ASIC2: variants seen among roughly 807,000 people sequenced by gnomAD.
The protein encoded by ASIC2 is acid sensing ion channel subunit 2.
Under a neutral mutation model 57.3 loss-of-function variants are expected in ASIC2, and 25 were observed. That is an observed-to-expected ratio of 0.44 (90% confidence interval 0.32 to 0.61). The LOEUF is 0.61. ASIC2 is among the 20% of genes least tolerant of loss of function. The probability of loss-of-function intolerance (pLI) is 0.06; values close to 1 mark genes in which losing one functional copy is unlikely to be tolerated. For synonymous variants in ASIC2, 319 were observed against 307.5 expected, an observed-to-expected ratio of 1.04 and a Z score of -0.39; for missense variants, 641 against 738.1, an observed-to-expected ratio of 0.87 and a Z score of 1.52.
intron 1 of ASIC2, among the ~76,000 whole-genome samples, chr17:33,844,696 T>A (rs1274562527): frequency 6.6e-6 from 1 of 152,204 alleles, no homozygotes; most frequent in African/African-American, 2.4e-5. Context: ...AGAAATAAAT[T>A]TCCTCAACCA....
At chr17:33,392,109 A>G (rs1262279403) in intron 1 of ASIC2, among the ~76,000 whole-genome samples, 2 of 151,084 alleles carry the variant, frequency 1.3e-5, no homozygotes, top group Non-Finnish European at 2.9e-5. Context: ...CACCTCTAAC[A>G]CCTCTATGTC....
intron 1 of ASIC2, among the ~76,000 whole-genome samples, chr17:33,243,182 T>C (rs1483762296): frequency 6.6e-6 from 1 of 152,196 alleles, no homozygotes; most frequent in African/African-American, 2.4e-5. Context: ...CAATGTTTTC[T>C]TAATAACTAT....
At chr17:34,124,743 T>G (rs748468025) in intron 1 of ASIC2, among the ~76,000 whole-genome samples, 1 of 152,158 alleles carries the variant, frequency 6.6e-6, no homozygotes, top group Non-Finnish European at 1.5e-5. Flanking sequence ...TCTTGTGACA[T>G]TCGCACATCA....
At chr17:34,141,418 T>C (rs1379242190) in intron 1 of ASIC2, among the ~76,000 whole-genome samples, 3 of 152,196 alleles carry the variant, frequency 2.0e-5, no homozygotes, top group African/African-American at 7.2e-5. Flanking sequence ...AATTTAGCTA[T>C]TATCTCCTTT....
At chr17:33,254,876 G>C (rs1053746401) in intron 1 of ASIC2, among the ~76,000 whole-genome samples, 1 of 152,030 alleles carries the variant, frequency 6.6e-6, no homozygotes, top group Non-Finnish European at 1.5e-5. Flanking sequence ...AGCAAACAGA[G>C]CCAAAGAAAA....
chr17:34,063,395 A>C (rs1909042406), intron 1 of ASIC2, among the ~76,000 whole-genome samples: 1 of 152,198 alleles, frequency 6.6e-6, no homozygotes, highest in Admixed American at 6.5e-5. Flanking sequence ...ATCTATGACA[A>C]ACCCACAGTC....
rs374372905 is a variant in ASIC2, at chr17:33,654,545, G to A, written c.555+501433C>T. On this transcript the variant is annotated intron_variant, in intron 1 of 9. Transcript: ENST00000359872. ...AATTCCCATGGTCTAGCAATGTGAT[G>A]TCAGATGATGAGATAGGCCTGGGAG... 8.5e-5 allele frequency among the ~76,000 whole-genome samples: 13 copies of A among 152,330 alleles called. No individual in the cohort carries two copies. The East Asian group carries it at 1.9e-3, about 23-fold the overall frequency.
intron 1 of ASIC2, among the ~76,000 whole-genome samples, chr17:33,199,431 C>T (rs972740380): frequency 1.3e-5 from 2 of 152,120 alleles, no homozygotes; most frequent in Non-Finnish European, 2.9e-5. Flanking sequence ...AACCACAGAG[C>T]AGGGTTCAAA....
intron 1 of ASIC2, among the ~76,000 whole-genome samples, chr17:33,539,255 A>G (rs1915330370): frequency 6.6e-6 from 1 of 152,242 alleles, no homozygotes; most frequent in South Asian, 2.1e-4. Context: ...TATTGCTTGC[A>G]AAGAGGTCAA....
chr17:33,209,445 A>G (rs1907191800), intron 1 of ASIC2, among the ~76,000 whole-genome samples: 1 of 152,200 alleles, frequency 6.6e-6, no homozygotes, highest in African/African-American at 2.4e-5. Flanking sequence ...AGCACTATTG[A>G]CATTTATAGC....
intron 1 of ASIC2, among the ~76,000 whole-genome samples, chr17:33,674,583 C>G (rs1387811727): frequency 2.0e-5 from 3 of 152,128 alleles, no homozygotes; most frequent in African/African-American, 4.8e-5. Context: ...TCCCTATGAA[C>G]AAAATACTAT....
intron 1 of ASIC2, among the ~76,000 whole-genome samples, chr17:34,064,814 C>A (rs1006274630): frequency 2.0e-5 from 3 of 152,114 alleles, no homozygotes; most frequent in African/African-American, 4.8e-5. Flanking sequence ...AAATGCAAAT[C>A]AAAACCACAA....
chr17:34,106,514 T>A (rs1198146998), intron 1 of ASIC2, among the ~76,000 whole-genome samples: 1 of 152,170 alleles, frequency 6.6e-6, no homozygotes, highest in African/African-American at 2.4e-5. Flanking sequence ...TGTCTGCATG[T>A]ATGTATGTAT....
intron 1 of ASIC2, among the ~76,000 whole-genome samples, chr17:33,645,110 T>C (rs1906700022): frequency 6.6e-6 from 1 of 152,148 alleles, no homozygotes; most frequent in Non-Finnish European, 1.5e-5. Context: ...TACTCAGTAA[T>C]AGAGACAAAG....
At chr17:33,572,523 G>A (rs770915714) in intron 1 of ASIC2, among the ~76,000 whole-genome samples, 11 of 152,146 alleles carry the variant, frequency 7.2e-5, no homozygotes, top group Non-Finnish European at 1.6e-4. Flanking sequence ...AGGAAAGGGG[G>A]ACTCAGGGAA....
intron 1 of ASIC2, among the ~76,000 whole-genome samples, chr17:33,519,688 C>A (rs1914684552): frequency 6.6e-6 from 1 of 152,150 alleles, no homozygotes; most frequent in Non-Finnish European, 1.5e-5. Context: ...GGATTTAGCA[C>A]TTTCCTTAGG....
intron 1 of ASIC2, among the ~76,000 whole-genome samples, chr17:33,730,830 T>G (rs1199999406): frequency 6.6e-6 from 1 of 152,212 alleles, no homozygotes; most frequent in African/African-American, 2.4e-5. Context: ...ACTCAGAGAT[T>G]AAGAAATGTG....
At chr17:33,617,539 T>C (rs1305551446) in intron 1 of ASIC2, among the ~76,000 whole-genome samples, 1 of 152,100 alleles carries the variant, frequency 6.6e-6, no homozygotes, top group African/African-American at 2.4e-5. Flanking sequence ...AAAAACTACC[T>C]ATTGGGTATT....
At chr17:33,806,893 G>T (rs1235506299) in intron 1 of ASIC2, among the ~76,000 whole-genome samples, 1 of 152,208 alleles carries the variant, frequency 6.6e-6, no homozygotes, top group Non-Finnish European at 1.5e-5. Flanking sequence ...CAACCAAGAT[G>T]TCAGTGTCAT....
Sources: allele counts gnomAD v4.1 joint callset (sites outside exome capture counted in the v4.1 genomes callset), GRCh38; gene constraint gnomAD v4.1.1; transcripts MANE v1.5; gene names NCBI Gene and HGNC (gene_info 2026-07-23, HGNC 2026-07-21).